Variants in NME8 observed in about 807,000 individuals in gnomAD.
NME8 encodes the protein protein NME8.
Under a neutral mutation model 82.3 loss-of-function variants are expected in NME8, and 72 were observed. The observed-to-expected ratio is 0.87, with a 90% CI of 0.72 to 1.06. NME8 has a LOEUF of 1.06. Ranked by LOEUF, NME8 falls within the 50% of genes least tolerant of loss-of-function variation. The probability of loss-of-function intolerance (pLI) is 0.00; values close to 1 mark genes in which losing one functional copy is unlikely to be tolerated. For missense variants in NME8, 712 were observed against 685.4 expected, an observed-to-expected ratio of 1.04 and a Z score of -0.43; for synonymous variants, 267 against 228.5, an observed-to-expected ratio of 1.17 and a Z score of -1.52.
chr7:37,858,550 G>A (rs535079762), intron 6 of NME8, among the ~76,000 whole-genome samples: 4 of 152,232 alleles, frequency 2.6e-5, no homozygotes, highest in Admixed American at 6.5e-5. Flanking sequence ...TCTGGACTGG[G>A]TTGAGGTTTG....
At chr7:37,871,194 T>C (rs1215266282) in intron 11 of NME8, among the ~76,000 whole-genome samples, 2 of 152,090 alleles carry the variant, frequency 1.3e-5, no homozygotes, top group Non-Finnish European at 2.9e-5. Flanking sequence ...GGCTGGTTAT[T>C]CCTGTGGAGA....
intron 6 of NME8, among the ~76,000 whole-genome samples, chr7:37,861,618 A>G (rs529566454): frequency 6.6e-6 from 1 of 152,200 alleles, no homozygotes; most frequent in Admixed American, 6.5e-5. Flanking sequence ...GGCACCAGTA[A>G]ACAGATGCTT....
intron 15 of NME8, among the ~76,000 whole-genome samples, chr7:37,891,814 C>T (rs1382020102): frequency 6.6e-6 from 1 of 151,946 alleles, no homozygotes. Flanking sequence ...GATGGATAGG[C>T]TTGAAAGTTC....
intron 6 of NME8, among the ~76,000 whole-genome samples, chr7:37,858,719 G>A (rs761671447): frequency 5.3e-5 from 8 of 152,086 alleles, no homozygotes; most frequent in Non-Finnish European, 8.8e-5. Flanking sequence ...TGGGCAGGTG[G>A]GTCACATTGT....
chr7:37,876,965 A>T lies in NME8; in HGVS notation c.952A>T (p.Thr318Ser), dbSNP rs762760098. ...KKMKSMKLEK[T>S]LALLRPNLFH... ...AATGAAAAGCATGAAATTAGAAAAG[A>T]CATTGGCATTACTTCGACCAAATCT... The change falls in exon 12 of 18, where the codon ACA becomes TCA. Residue 318 changes from threonine (T) to serine (S), a missense_variant. Thr to Ser is a moderately conservative substitution (Grantham distance 58). Coordinates refer to ENST00000199447, the MANE Select transcript of NME8 (RefSeq NM_016616.5). 1 of 1,613,350 alleles carries T rather than the reference A, an allele frequency of 6.2e-7. No homozygotes were observed. The highest frequency in any genetic ancestry group is 1.1e-5 in the South Asian group (1 of 91,062).
intron 5 of NME8, among the ~76,000 whole-genome samples, chr7:37,855,108 A>T (rs1362462948): frequency 2.0e-5 from 3 of 152,084 alleles, no homozygotes; most frequent in Non-Finnish European, 2.9e-5. Context: ...TAGAGGCTGA[A>T]TTATAGATGT....
intron 9 of NME8, among the ~76,000 whole-genome samples, 176 bp downstream of exon 9, chr7:37,864,597 C>G (rs1784648887): frequency 1.3e-5 from 2 of 152,108 alleles, no homozygotes; most frequent in South Asian, 4.2e-4. Flanking sequence ...TCTATTCATG[C>G]ATCCTTCTGT....
In NME8 at chr7:37,866,308, G is replaced by T. The variant is rs368145563; in HGVS notation, c.621+691G>T. On this transcript the variant is annotated intron_variant, in intron 10 of 17. Transcript: ENST00000199447. ...CACATGTGGCTACTGTGTTGGAAAG[G>T]GCAGAAGAGCATGTACGTCATCACA... Among the ~76,000 whole-genome samples the T allele has an allele frequency of 2.7e-4, 41 of 152,214 alleles. No homozygotes were observed. The South Asian group carries it at 8.1e-3, about 30-fold the overall frequency.
Position 37,864,392 on chromosome 7 carries a change from A to G in NME8, c.499A>G (p.Ser167Gly), listed in dbSNP as rs756237951. The change falls in exon 9 of 18, where the codon AGT (serine) becomes GGT (glycine). Residue 167 changes from serine (S) to glycine (G), a missense_variant. Physicochemically the swap from Ser to Gly is moderately conservative, Grantham distance 56. Coordinates refer to ENST00000199447, the MANE Select transcript of NME8 (RefSeq NM_016616.5). ...IAIIKPDAVISKKVLEIKRKI... is the reference protein window; with the variant it reads ...IAIIKPDAVIGKKVLEIKRKI... ...TATTATCAAACCGGATGCTGTGATT[A>G]GTAAAAAAGTTCTAGAAATTAAAAG... is the stretch of plus-strand genomic sequence containing the variant. 1 of 1,588,032 alleles carries G rather than the reference A, an allele frequency of 6.3e-7. No homozygotes were observed. Among genetic ancestry groups the G allele is most frequent in the East Asian group, 2.3e-5 (1 of 44,302 alleles).
At chr7:37,865,121 T>C (rs1784658111) in intron 9 of NME8, among the ~76,000 whole-genome samples, 1 of 152,184 alleles carries the variant, frequency 6.6e-6, no homozygotes, top group Non-Finnish European at 1.5e-5. Flanking sequence ...CCCCAAAGTC[T>C]TAACTCATTT....
At position 37,850,653 on chromosome 7, in the gene NME8, G is replaced by T. The variant is rs745571114; in HGVS notation, c.116G>T (p.Cys39Phe). The T allele has an allele frequency of 1.2e-5, 19 of 1,612,314 alleles. No individual in the cohort carries two copies. The East Asian group carries it at 4.2e-4, about 36-fold the overall frequency. Reference protein sequence around the residue: ...LTVIDVYQAWCGPCRAMQPLF... With the variant: ...LTVIDVYQAWFGPCRAMQPLF... ...GTGATTGATGTTTACCAAGCCTGGTGTGGACCTTGCAGAGCAATGCAACCT... is the reference window on the plus strand; with the variant it reads ...GTGATTGATGTTTACCAAGCCTGGTTTGGACCTTGCAGAGCAATGCAACCT... The change falls in exon 5 of 18, where the codon TGT becomes TTT. Residue 39 changes from cysteine to phenylalanine, a missense_variant. Cys to Phe is a radical substitution (Grantham distance 205). Coordinates refer to ENST00000199447, the MANE Select transcript of NME8 (RefSeq NM_016616.5).
At position 37,884,291 on chromosome 7, in the gene NME8, G is replaced by A; in HGVS notation, c.995-12G>A. 1 of 1,535,498 alleles carries A rather than the reference G, an allele frequency of 6.5e-7. No homozygotes were observed. Among genetic ancestry groups the A allele is most frequent in the East Asian group, 2.3e-5 (1 of 44,396 alleles). ...CCAGTTTAAAACTTATTATGTAACT[G>A]TTTTTATTTAGATGATGTTTTGCGT... On this transcript the variant is annotated splice_polypyrimidine_tract_variant and intron_variant, in intron 12 of 17. Transcript: ENST00000199447.
chr7:37,870,588 CAAAAAAAAAAAA>C (rs35884288), intron 11 of NME8, among the ~76,000 whole-genome samples: 2 of 97,634 alleles, frequency 2.0e-5, no homozygotes, highest in Admixed American at 2.2e-4. Context: ...GACTCCATCT[CAAAAAAAAAAAA>C]AAAAAAAAGT....
At position 37,860,379 on chromosome 7, in the gene NME8, G is replaced by A. The variant is rs549697506; in HGVS notation, c.271-1649G>A. ...TTCCACCAAAATTGCTGTTGCTAAT[G>A]TATCCAAGTACCAGCCTGTACTAAG... On this transcript the variant is annotated intron_variant, in intron 6 of 17. Coordinates refer to ENST00000199447, the MANE Select transcript of NME8 (RefSeq NM_016616.5). 3.9e-5 allele frequency among the ~76,000 whole-genome samples: 6 copies of A among 152,226 alleles called. No homozygotes were observed. The South Asian group carries it at 1.2e-3, about 32-fold the overall frequency.
At chr7:37,856,387 T>G (rs979148528) in intron 5 of NME8, among the ~76,000 whole-genome samples, 1 of 152,148 alleles carries the variant, frequency 6.6e-6, no homozygotes, top group Non-Finnish European at 1.5e-5. Context: ...AAGAGGGCCT[T>G]CACTTCTGGC....
At chr7:37,853,371 A>G (rs1784463009) in intron 5 of NME8, among the ~76,000 whole-genome samples, 2 of 152,208 alleles carry the variant, frequency 1.3e-5, no homozygotes, top group Admixed American at 1.3e-4. Flanking sequence ...GAAAGGAGCT[A>G]GGAAATTATT....
Position 37,863,418 on chromosome 7 carries a change from A to T in NME8, c.410A>T (p.Asp137Val), listed in dbSNP as rs761334758. The T allele has an allele frequency of 1.0e-4, 167 of 1,594,146 alleles. No homozygotes were observed. The East Asian group carries it at 3.7e-3, about 35-fold the overall frequency. Residue 137 changes from aspartate to valine, a missense_variant, in exon 8 of 18, where the codon GAC becomes GTC. Coordinates refer to ENST00000199447, the MANE Select transcript of NME8 (RefSeq NM_016616.5). The stretch of plus-strand genomic sequence containing the variant: ...TAGTATCCTGAAATTCCATTAGTAG[A>T]CTCAGATTCAGAAGTTAGTGAAGAA... ...RPQYPEIPLV[D>V]SDSEVSEESP...
At chr7:37,853,015 C>T (rs1171984418) in intron 5 of NME8, among the ~76,000 whole-genome samples, 1 of 152,192 alleles carries the variant, frequency 6.6e-6, no homozygotes, top group African/African-American at 2.4e-5. Context: ...GGATTTTGGT[C>T]ATCCTAATAA....
intron 10 of NME8, among the ~76,000 whole-genome samples, chr7:37,866,991 G>A (rs2131951540): frequency 6.6e-6 from 1 of 152,260 alleles, no homozygotes; most frequent in East Asian, 1.9e-4. Context: ...GGCTTTTACT[G>A]AATACACGAT....
Sources: gnomAD v4.1 joint callset for allele counts (sites outside exome capture counted in the v4.1 genomes callset) on GRCh38, gnomAD v4.1.1 for gene constraint, MANE v1.5 for transcripts, NCBI Gene and HGNC (gene_info 2026-07-23, HGNC 2026-07-21) for gene names.